ZSCAN1: variants seen among roughly 807,000 people sequenced by gnomAD.
ZSCAN1 encodes the protein zinc finger and SCAN domain containing 1.
Under a neutral mutation model 23.8 loss-of-function variants are expected in ZSCAN1, and 23 were observed. The observed-to-expected ratio is 0.97, with a 90% CI of 0.70 to 1.37. The LOEUF is 1.37. Ranked by LOEUF, ZSCAN1 falls within the 40% of genes most tolerant of loss-of-function variation. ZSCAN1 has a pLI of 0.00. For synonymous variants in ZSCAN1, 236 were observed against 232.3 expected (o/e 1.02, Z -0.15); for missense variants, 575 against 554.0 (o/e 1.04, Z -0.38).
Position 58,047,966 on chromosome 19 carries a change from A to C in ZSCAN1, c.466-4524A>C, listed in dbSNP as rs1297233302. Among the ~76,000 whole-genome samples the C allele has an allele frequency of 6.6e-6, 1 of 152,146 alleles. No homozygotes were observed. The highest frequency in any genetic ancestry group is 2.4e-5 in the African/African-American group (1 of 41,444). ...GTGTCACACTCATATTTTTAAGGTCAGGTTGGTTCCTGGTAAAAATGTCCC... is the reference window on the plus strand; with the variant it reads ...GTGTCACACTCATATTTTTAAGGTCCGGTTGGTTCCTGGTAAAAATGTCCC... On this transcript the variant is annotated intron_variant, in intron 4 of 5. Coordinates refer to ENST00000282326, the MANE Select transcript of ZSCAN1 (RefSeq NM_182572.4). This position sits in a 1 kb window ranked among gnomAD's most constrained non-coding sequence, Gnocchi z 4.9.
In ZSCAN1 at chr19:58,037,761, C is replaced by T; in HGVS notation, c.-76C>T. The T allele has an allele frequency of 7.0e-7, 1 of 1,423,282 alleles. No homozygotes were observed. Among genetic ancestry groups the T allele is most frequent in the Non-Finnish European group, 9.2e-7 (1 of 1,090,198 alleles). 88.2% of individuals were successfully genotyped at this position (1,423,282 alleles called of 1,614,324 possible). A position where few individuals can be genotyped will look rare whatever the true frequency, so the allele number is the denominator to read the frequency against. On this transcript the variant is annotated 5_prime_UTR_variant, in exon 3 of 6. Coordinates refer to ENST00000282326, the MANE Select transcript of ZSCAN1 (RefSeq NM_182572.4). ...TTGCTGATTCTGTCCGCCTGCCACA[C>T]CGGCTCTGTCCGGAGCCACTGGGAC...
At chr19:58,046,405 A>G (rs2073826300) in intron 4 of ZSCAN1, 10 of 878,694 alleles carry the variant, frequency 1.1e-5, no homozygotes, top group South Asian at 5.2e-5. Context: ...GGTGCAGCAG[A>G]TAATCGGGCA....
chr19:58,037,717 C>A lies in ZSCAN1; in HGVS notation c.-109-11C>A. ...CTGATGTGACCCCTCTGTCCCTGCC[C>A]CTCTCTGCAGGCCCCTGATTGCTGA... On this transcript the variant is annotated splice_polypyrimidine_tract_variant and intron_variant, in intron 2 of 5. Transcript: ENST00000282326. The A allele has an allele frequency of 7.8e-7, 1 of 1,283,056 alleles. No individual in the cohort carries two copies. Among genetic ancestry groups the A allele is most frequent in the Non-Finnish European group, 1.0e-6 (1 of 964,220 alleles). The allele number at this position is 1,283,056 out of a possible 1,614,324, so 79.5% of individuals were successfully genotyped here.
chr19:58,053,558 G>T lies in ZSCAN1; in HGVS notation c.734G>T (p.Arg245Ile). 6.2e-7 allele frequency: 1 copy of T among 1,614,196 alleles called. No homozygotes were observed. The highest frequency in any genetic ancestry group is 8.5e-7 in the Non-Finnish European group (1 of 1,180,042). ...AGCCCCAAGGGTCCAAGTGCTCAGA[G>T]AATCAGTCCCCGAAGGAGAAACAGG... is the stretch of plus-strand genomic sequence containing the variant. ...ISSPKGPSAQRISPRRRNRNT... is the reference protein window; with the variant it reads ...ISSPKGPSAQIISPRRRNRNT... Residue 245 changes from arginine (R) to isoleucine (I), a missense_variant, in exon 6 of 6, where the codon AGA (arginine) becomes ATA (isoleucine). Physicochemically the swap from Arg to Ile is moderately conservative, Grantham distance 97 (BLOSUM62 -3). Transcript: ENST00000282326. The surrounding 1 kb of genome is among the most constrained non-coding windows in gnomAD (Gnocchi z 5.8).
At chr19:58,051,280 C>T (rs1180969255) in intron 4 of ZSCAN1, among the ~76,000 whole-genome samples, 1 of 139,282 alleles carries the variant, frequency 7.2e-6, no homozygotes, top group Non-Finnish European at 1.6e-5. Flanking sequence ...AAAAGGGAGT[C>T]CCGCCTTTAC....
Position 58,037,720 on chromosome 19 carries a change from C to A in ZSCAN1, c.-109-8C>A. Reference sequence around the variant, plus strand: ...ATGTGACCCCTCTGTCCCTGCCCCTCTCTGCAGGCCCCTGATTGCTGATTC... The same window carrying A: ...ATGTGACCCCTCTGTCCCTGCCCCTATCTGCAGGCCCCTGATTGCTGATTC... On this transcript the variant is annotated splice_polypyrimidine_tract_variant and splice_region_variant and intron_variant, in intron 2 of 5. Transcript: ENST00000282326. 7.6e-7 allele frequency: 1 copy of A among 1,314,760 alleles called. No individual in the cohort carries two copies. Among genetic ancestry groups the A allele is most frequent in the Non-Finnish European group, 1.0e-6 (1 of 993,114 alleles). The allele number at this position is 1,314,760 out of a possible 1,614,324, so 81.4% of individuals were successfully genotyped here. A position where few individuals can be genotyped will look rare whatever the true frequency, so the allele number is the denominator to read the frequency against.
In ZSCAN1 at chr19:58,052,500, T is replaced by C. The variant is rs2073863512; in HGVS notation, c.476T>C (p.Leu159Pro). ...TGCTTGCCATTCTAGGCGTCTGAGC[T>C]GATTCTGGATGCAGTGGCAGCAGCC... ...SQKEPSQASE[L>P]ILDAVAAAPA... is the part of the protein sequence containing the mutation. The change falls in exon 5 of 6, where the codon CTG (leucine) becomes CCG (proline). Residue 159 changes from leucine (L) to proline (P), a missense_variant. Leu to Pro is a moderately conservative substitution (Grantham distance 98). Coordinates refer to ENST00000282326, the MANE Select transcript of ZSCAN1 (RefSeq NM_182572.4). The C allele has an allele frequency of 6.2e-7, 1 of 1,614,148 alleles. No homozygotes were observed.
rs146878291 is a variant in ZSCAN1, at chr19:58,053,469, C to T, written c.645C>T (p.Asp215=). The change falls in exon 6 of 6, where the codon GAC becomes GAT. Residue 215 remains aspartate, a synonymous_variant. Coordinates refer to ENST00000282326, the MANE Select transcript of ZSCAN1 (RefSeq NM_182572.4). The surrounding 1 kb of genome is among the most constrained non-coding windows in gnomAD (Gnocchi z 5.8). ...ARLPLKPSIW[D]EPEDLLAGPS... is the part of the protein sequence containing the mutation. ...TGCCTCTGAAGCCGAGTATCTGGGA[C>T]GAGCCTGAGGACCTTCTCGCAGGGC... The T allele has an allele frequency of 1.3e-4, 205 of 1,613,344 alleles. No individual in the cohort carries two copies. Among genetic ancestry groups the T allele is most frequent in the South Asian group, 7.1e-4 (65 of 91,068 alleles).
chr19:58,045,332 G>T lies in ZSCAN1; in HGVS notation c.465+4788G>T, dbSNP rs890497521. Reference sequence around the variant, plus strand: ...AGACTCAGTCCATCAAGGAGAAGAGGCTGAAGGAGCTTCAGGTCAAGCTGG... The same window carrying T: ...AGACTCAGTCCATCAAGGAGAAGAGTCTGAAGGAGCTTCAGGTCAAGCTGG... On this transcript the variant is annotated intron_variant, in intron 4 of 5. Coordinates refer to ENST00000282326, the MANE Select transcript of ZSCAN1 (RefSeq NM_182572.4). The surrounding 1 kb of genome is among the most constrained non-coding windows in gnomAD (Gnocchi z 4.3). 7 of 796,844 alleles carry T rather than the reference G, an allele frequency of 8.8e-6. No homozygotes were observed. Among genetic ancestry groups the T allele is most frequent in the African/African-American group, 3.4e-5 (2 of 59,354 alleles). 49.4% of individuals were successfully genotyped at this position (796,844 alleles called of 1,614,324 possible).
chr19:58,044,540 G>A, intron 4 of ZSCAN1: 1 of 507,030 alleles, frequency 2.0e-6, no homozygotes. Flanking sequence ...CGCGGAGAAG[G>A]AGGAGGAGCC....
intron 1 of ZSCAN1, 85 bp from the exon 2 acceptor site, chr19:58,035,885 T>C (rs1266693072): frequency 6.6e-6 from 1 of 152,228 alleles, no homozygotes; most frequent in Non-Finnish European, 1.5e-5. Flanking sequence ...ATCCCTCCTT[T>C]TCACTTGTCA....
Position 58,044,780 on chromosome 19 carries a change from T to C in ZSCAN1, c.465+4236T>C, listed in dbSNP as rs141029413. The C allele has an allele frequency of 2.6e-3, 1,915 of 723,912 alleles. 30 individuals are homozygous for C. The African/African-American group carries it at 0.031, about 12-fold the overall frequency. 44.8% of individuals were successfully genotyped at this position (723,912 alleles called of 1,614,324 possible). The stretch of plus-strand genomic sequence containing the variant: ...CCCACCCACCCTGCCTACCCGTGCT[T>C]CAGAGGCGATCACCTCAGCTGTTGG... On this transcript the variant is annotated intron_variant, in intron 4 of 5. Transcript: ENST00000282326.
chr19:58,038,228 C>T (rs779415469), intron 3 of ZSCAN1, 22 bp downstream of exon 3: 1 of 1,585,142 alleles, frequency 6.3e-7, no homozygotes. Context: ...AGGCTTCCTG[C>T]CCCGGGCCGG....
intron 3 of ZSCAN1, 56 bp downstream of exon 3, chr19:58,038,262 G>C: frequency 6.5e-7 from 1 of 1,545,224 alleles, no homozygotes; most frequent in Non-Finnish European, 8.7e-7. Flanking sequence ...ACGTCTCCGA[G>C]GACCGAACTG....
chr19:58,035,412 C>T (rs1178867711), intron 1 of ZSCAN1: 2 of 152,464 alleles, frequency 1.3e-5, no homozygotes, highest in East Asian at 1.9e-4. Context: ...ACCCTCATCC[C>T]TGATAAACTT....
Position 58,047,051 on chromosome 19 carries a change from CCT to C in ZSCAN1, c.466-5438_466-5437del, listed in dbSNP as rs141479166. ...CTGGGCCAAGGCAGGAAGGTGCCCC[CCT>C]GTGTGTGGCCTCACGTCTCAGTGTC... On this transcript the variant is annotated intron_variant, in intron 4 of 5. Coordinates refer to ENST00000282326, the MANE Select transcript of ZSCAN1 (RefSeq NM_182572.4). This position sits in a 1 kb window ranked among gnomAD's most constrained non-coding sequence, Gnocchi z 4.9. 3.3e-3 allele frequency among the ~76,000 whole-genome samples: 506 copies of C among 152,354 alleles called. 4 individuals are homozygous for C. The highest frequency in any genetic ancestry group is 0.011 in the African/African-American group (463 of 41,578).
Position 58,044,469 on chromosome 19 carries a change from G to A in ZSCAN1, c.465+3925G>A, listed in dbSNP as rs2073810555. On this transcript the variant is annotated intron_variant, in intron 4 of 5. Coordinates refer to ENST00000282326, the MANE Select transcript of ZSCAN1 (RefSeq NM_182572.4). ...CTCCTGTCCGAGGCCAACCGCTGCC[G>A]TCAACCGTCCGCACGGACGGCGCCT... 8 of 396,586 alleles carry A rather than the reference G, an allele frequency of 2.0e-5. No individual in the cohort carries two copies. In the South Asian group the frequency reaches 3.1e-4, roughly 16 times the overall value. The allele number at this position is 396,586 out of a possible 1,614,324, so 24.6% of individuals were successfully genotyped here. A position where few individuals can be genotyped will look rare whatever the true frequency, so the allele number is the denominator to read the frequency against.
In ZSCAN1 at chr19:58,049,741, T is replaced by C. The variant is rs1167281109; in HGVS notation, c.466-2749T>C. Among the ~76,000 whole-genome samples, 2 of 152,114 alleles carry C rather than the reference T, an allele frequency of 1.3e-5. No homozygotes were observed. On this transcript the variant is annotated intron_variant, in intron 4 of 5. Coordinates refer to ENST00000282326, the MANE Select transcript of ZSCAN1 (RefSeq NM_182572.4). The surrounding 1 kb of genome is among the most constrained non-coding windows in gnomAD (Gnocchi z 4.5). ...GCGGGAATGACTGTTGGAACCTCAG[T>C]GGTAAGTGATGCCAGTGTCCTCTGT...
At position 58,040,560 on chromosome 19, in the gene ZSCAN1, C is replaced by G. The variant is rs777593445; in HGVS notation, c.465+16C>G. The G allele has an allele frequency of 1.2e-6, 2 of 1,612,342 alleles. No individual in the cohort carries two copies. The highest frequency in any genetic ancestry group is 8.5e-7 in the Non-Finnish European group (1 of 1,179,290). On this transcript the variant is annotated intron_variant, in intron 4 of 5. Coordinates refer to ENST00000282326, the MANE Select transcript of ZSCAN1 (RefSeq NM_182572.4). This position sits in a 1 kb window ranked among gnomAD's most constrained non-coding sequence, Gnocchi z 5.8. Reference sequence around the variant, plus strand: ...ACCATCGCAGGTGAGCCCGGGGCCCCCAGCTCCGTGCTCCTGCACCCCAGG... The same window carrying G: ...ACCATCGCAGGTGAGCCCGGGGCCCGCAGCTCCGTGCTCCTGCACCCCAGG...
Sources: gnomAD v4.1 joint callset for allele counts (sites outside exome capture counted in the v4.1 genomes callset) on GRCh38, gnomAD v4.1.1 for gene constraint, Gnocchi (gnomAD v3.1) non-coding constraint, MANE v1.5 for transcripts, NCBI Gene and HGNC (gene_info 2026-07-23, HGNC 2026-07-21) for gene names.